NDUFAF6: variants seen among roughly 807,000 people sequenced by gnomAD.
NDUFAF6 encodes NADH dehydrogenase (ubiquinone) complex I, assembly factor 6.
In NDUFAF6, 45 loss-of-function variants were observed where a neutral mutation model predicts 40.8. That is an observed-to-expected ratio of 1.10 (90% CI 0.87 to 1.42). NDUFAF6 has a LOEUF of 1.42. Among genes scored for constraint, NDUFAF6 ranks in the 40% most tolerant of loss-of-function variants. The pLI, the probability that NDUFAF6 is intolerant of heterozygous loss-of-function variation, is 0.00. For synonymous variants in NDUFAF6, 185 were observed against 155.9 expected, an observed-to-expected ratio of 1.19 and a Z score of -1.39; for missense variants, 435 against 418.5, an observed-to-expected ratio of 1.04 and a Z score of -0.34.
At chr8:95,057,441 G>C (rs866747026) in intron 8 of NDUFAF6, among the ~76,000 whole-genome samples, 1 of 152,100 alleles carries the variant, frequency 6.6e-6, no homozygotes, top group East Asian at 1.9e-4. Context: ...CACTACATTT[G>C]GGGGGTCGGG....
At chr8:95,076,873 C>CAA (rs35168202), downstream of NDUFAF6, among the ~76,000 whole-genome samples, 86,042 of 128,598 alleles carry the variant, frequency 0.67, 29,026 homozygotes, top group East Asian at 0.86. Flanking sequence ...AACTCCGTCT[C>CAA]AAAAAAAAAA....
At chr8:95,016,233 A>T (rs763248630) in intron 2 of NDUFAF6, among the ~76,000 whole-genome samples, 3 of 152,204 alleles carry the variant, frequency 2.0e-5, no homozygotes, top group African/African-American at 7.2e-5. Context: ...TAATTATTTC[A>T]TGTTGACAAT....
intron 4 of NDUFAF6, among the ~76,000 whole-genome samples, chr8:95,042,820 C>A (rs1169730424): frequency 1.3e-5 from 2 of 152,116 alleles, no homozygotes; most frequent in Non-Finnish European, 2.9e-5. Flanking sequence ...AAATGAGAGT[C>A]CAGATATAAA....
chr8:95,100,933 A>G (rs1259402333), intron 1 of NDUFAF6, among the ~76,000 whole-genome samples: 1 of 152,174 alleles, frequency 6.6e-6, no homozygotes, highest in Non-Finnish European at 1.5e-5. Flanking sequence ...CGGGAATAGA[A>G]TCAGTGTTGG....
In NDUFAF6 at chr8:94,994,871, C is replaced by T. The variant is rs543750967; in HGVS notation, c.-84+13898C>T. Among the ~76,000 whole-genome samples the T allele has an allele frequency of 1.1e-4, 17 of 152,250 alleles. No individual in the cohort carries two copies. In the East Asian group the frequency reaches 2.9e-3, roughly 26 times the overall value. ...CCAAACAAGACAAGACAAAAACACA[C>T]GATGGACCCTTATTCTGTGTAAAAC... On this transcript the variant is annotated intron_variant, in intron 2 of 9. Transcript: ENST00000396111.
At chr8:94,968,356 T>TATC (rs1179629636) in intron 1 of NDUFAF6, among the ~76,000 whole-genome samples, 1 of 152,178 alleles carries the variant, frequency 6.6e-6, no homozygotes, top group Non-Finnish European at 1.5e-5. Flanking sequence ...AACAAACGTG[T>TATC]ATCATATGTC....
At chr8:95,063,511 C>T (rs1165489739), downstream of NDUFAF6, among the ~76,000 whole-genome samples, 3 of 152,130 alleles carry the variant, frequency 2.0e-5, no homozygotes, top group Admixed American at 6.5e-5. Context: ...GTAGGAGAAT[C>T]GCTTGAACCC....
chr8:95,041,889 T>A (rs2131854918), intron 4 of NDUFAF6, among the ~76,000 whole-genome samples: 1 of 152,294 alleles, frequency 6.6e-6, no homozygotes, highest in African/African-American at 2.4e-5. Context: ...ATTTTCATAC[T>A]TACATAAAAG....
At chr8:95,036,444 A>G (rs1159717609) in intron 3 of NDUFAF6, 2 of 1,289,308 alleles carry the variant, frequency 1.6e-6, no homozygotes, top group Non-Finnish European at 2.0e-6. Context: ...TAAAGATGGA[A>G]AGCCAGAACC....
At chr8:94,991,676 T>A (rs897432080) in intron 2 of NDUFAF6, among the ~76,000 whole-genome samples, 1 of 152,208 alleles carries the variant, frequency 6.6e-6, no homozygotes, top group Admixed American at 6.5e-5. Flanking sequence ...AATATATTTT[T>A]TTCTTTTGCC....
At chr8:95,036,038 A>G (rs1829462031) in intron 3 of NDUFAF6, among the ~76,000 whole-genome samples, 1 of 152,246 alleles carries the variant, frequency 6.6e-6, no homozygotes, top group Non-Finnish European at 1.5e-5. Context: ...AGTGTTGTCC[A>G]GATACAAATC....
chr8:95,025,211 C>A lies in NDUFAF6; in HGVS notation c.197+6C>A. 1 of 1,413,536 alleles carries A rather than the reference C, an allele frequency of 7.1e-7. No individual in the cohort carries two copies. The highest frequency in any genetic ancestry group is 9.1e-7 in the Non-Finnish European group (1 of 1,095,654). The allele number at this position is 1,413,536 out of a possible 1,614,324, so 87.6% of individuals were successfully genotyped here. On this transcript the variant is annotated splice_donor_region_variant and intron_variant, in intron 1 of 8. Transcript: ENST00000396124. ...TACTGCCTGGAGCTGCTGCGGTGAG[C>A]GAGCACGACCTTCCCTGGCGCGGCG...
chr8:94,925,287 A>T (rs558401715), intron 1 of NDUFAF6, among the ~76,000 whole-genome samples: 1 of 152,178 alleles, frequency 6.6e-6, no homozygotes, highest in Non-Finnish European at 1.5e-5. Context: ...TTACTGGCCT[A>T]TTGAAACTAG....
At chr8:95,025,355 G>A in intron 1 of NDUFAF6, 150 bp downstream of exon 1, 2 of 797,738 alleles carry the variant, frequency 2.5e-6, no homozygotes, top group Non-Finnish European at 3.5e-6. Context: ...CGTCGGGTGC[G>A]GGTGTGCGGA....
intron 1 of NDUFAF6, among the ~76,000 whole-genome samples, chr8:94,970,240 C>G (rs1465062812): frequency 2.0e-5 from 2 of 101,688 alleles, no homozygotes; most frequent in Non-Finnish European, 3.6e-5. Flanking sequence ...GGTGACAGAG[C>G]AAGACTCCGT....
intron 2 of NDUFAF6, among the ~76,000 whole-genome samples, chr8:95,017,008 A>G (rs558160538): frequency 1.2e-4 from 17 of 142,194 alleles, no homozygotes; most frequent in African/African-American, 4.3e-4. Flanking sequence ...ATCATGGCTC[A>G]CTGCGGCCTC....
intron 1 of NDUFAF6, among the ~76,000 whole-genome samples, chr8:94,959,879 C>T (rs1212000191): frequency 3.9e-5 from 6 of 152,132 alleles, no homozygotes; most frequent in Admixed American, 2.0e-4. Context: ...TTGGGTCCCC[C>T]CCAGTTTCGG....
intron 2 of NDUFAF6, among the ~76,000 whole-genome samples, chr8:95,001,127 A>T (rs915998887): frequency 5.3e-4 from 80 of 151,792 alleles, no homozygotes; most frequent in African/African-American, 1.9e-3. Flanking sequence ...CTAATTTTTT[A>T]AAATTTTTAA....
rs1359226535 is a variant in NDUFAF6, at chr8:95,025,018, T to C, written c.10T>C (p.Ser4Pro). Residue 4 changes from serine (S) to proline (P), a missense_variant, in exon 1 of 9, where the codon TCC (serine) becomes CCC (proline). Ser to Pro is a moderately conservative substitution (Grantham distance 74). Coordinates refer to ENST00000396124, the MANE Select transcript of NDUFAF6 (RefSeq NM_152416.4). MAA[S>P]AHGSVWGPLR... is the part of the protein sequence containing the mutation. ...ACGCAGTGCCGGCGTCATGGCGGCCTCCGCGCACGGCTCTGTCTGGGGGCC... is the reference window on the plus strand; with the variant it reads ...ACGCAGTGCCGGCGTCATGGCGGCCCCCGCGCACGGCTCTGTCTGGGGGCC... 8.2e-6 allele frequency: 11 copies of C among 1,344,812 alleles called. No homozygotes were observed. The allele number at this position is 1,344,812 out of a possible 1,614,324, so 83.3% of individuals were successfully genotyped here.
Sources: gnomAD v4.1 joint callset for allele counts (sites outside exome capture counted in the v4.1 genomes callset) on GRCh38, gnomAD v4.1.1 for gene constraint, MANE v1.5 for transcripts, NCBI Gene and HGNC (gene_info 2026-07-23, HGNC 2026-07-21) for gene names.